CNTNAP5: variants seen among roughly 807,000 people sequenced by gnomAD.
CNTNAP5 encodes the protein contactin-associated protein-like 5.
CNTNAP5 carries 72 observed loss-of-function variants against 150.2 expected under a neutral mutation model. That is an observed-to-expected ratio of 0.48 (90% confidence interval 0.40 to 0.58). CNTNAP5 has a LOEUF of 0.58. Ranked by LOEUF, CNTNAP5 falls within the 20% of genes least tolerant of loss-of-function variation. The pLI, the probability that CNTNAP5 is intolerant of heterozygous loss-of-function variation, is 0.00. For synonymous variants in CNTNAP5, 672 were observed against 619.8 expected, an observed-to-expected ratio of 1.08 and a Z score of -1.25; for missense variants, 1,636 against 1,626.2, an observed-to-expected ratio of 1.01 and a Z score of -0.10.
chr2:124,788,002 C>G (rs1407317771), intron 17 of CNTNAP5, among the ~76,000 whole-genome samples: 1 of 152,154 alleles, frequency 6.6e-6, no homozygotes, highest in Non-Finnish European at 1.5e-5. Context: ...CCACCTTTTC[C>G]TCCTCTCCAT....
chr2:124,164,470 A>G (rs926371346), intron 1 of CNTNAP5, among the ~76,000 whole-genome samples: 1 of 152,224 alleles, frequency 6.6e-6, no homozygotes, highest in Non-Finnish European at 1.5e-5. Flanking sequence ...TCTGTTTTAT[A>G]TGTATATATA....
intron 1 of CNTNAP5, among the ~76,000 whole-genome samples, chr2:124,214,205 G>T (rs980342588): frequency 3.3e-5 from 5 of 152,266 alleles, no homozygotes; most frequent in Admixed American, 3.3e-4. Context: ...CTGCTACCTT[G>T]TTATGCTTAT....
At chr2:124,560,208 A>C (rs940850614) in intron 10 of CNTNAP5, among the ~76,000 whole-genome samples, 6 of 152,154 alleles carry the variant, frequency 3.9e-5, no homozygotes, top group African/African-American at 1.4e-4. Context: ...CTTTTGTTTT[A>C]AAAACATTTA....
chr2:124,443,705 T>A (rs35416918), intron 5 of CNTNAP5, among the ~76,000 whole-genome samples: 30,566 of 151,810 alleles, frequency 0.2, 3,320 homozygotes, highest in East Asian at 0.33. Context: ...AAATATTTTA[T>A]TTTAATCATT....
At chr2:124,274,119 A>G (rs1687825938) in intron 3 of CNTNAP5, among the ~76,000 whole-genome samples, 2 of 152,236 alleles carry the variant, frequency 1.3e-5, no homozygotes, top group African/African-American at 4.8e-5. Context: ...CAAAATTATC[A>G]GTTAGCTTGC....
In CNTNAP5 at chr2:124,419,140, C is replaced by CATAAAAAAAAAAAAAA. The variant is rs1553466516; in HGVS notation, c.529+1551_529+1552insTAAAAAAAAAAAAAAA. On this transcript the variant is annotated intron_variant, in intron 4 of 23. Coordinates refer to ENST00000682447, the MANE Select transcript of CNTNAP5 (RefSeq NM_001367498.1). ...TGGGCGACAGAGCGAGACTCCTTCT[C>CATAAAAAAAAAAAAAA]AAAAAAAAAAAAAAAAAAAAAAACA... Among the ~76,000 whole-genome samples the CATAAAAAAAAAAAAAA allele has an allele frequency of 2.1e-4, 6 of 28,908 alleles. 1 individual carries two copies. Among genetic ancestry groups the CATAAAAAAAAAAAAAA allele is most frequent in the Non-Finnish European group, 4.0e-4 (6 of 15,132 alleles). The allele number at this position is 28,908 out of a possible 152,430, so 19.0% of individuals were successfully genotyped here. A position where few individuals can be genotyped will look rare whatever the true frequency, so the allele number is the denominator to read the frequency against.
chr2:124,481,383 T>C (rs535779495), intron 7 of CNTNAP5, among the ~76,000 whole-genome samples: 2 of 152,328 alleles, frequency 1.3e-5, no homozygotes, highest in African/African-American at 4.8e-5. Flanking sequence ...TTACCTGAAA[T>C]TAGTGTTATG....
At chr2:124,451,051 A>ATATAT (rs1553469334) in intron 6 of CNTNAP5, among the ~76,000 whole-genome samples, 1 of 65,298 alleles carries the variant, frequency 1.5e-5, no homozygotes, top group African/African-American at 7.2e-5. Context: ...AAAAAAAAAA[A>ATATAT]ATATATATAT....
chr2:124,421,947 G>T (rs1469673535), intron 4 of CNTNAP5, among the ~76,000 whole-genome samples: 2 of 152,126 alleles, frequency 1.3e-5, no homozygotes, highest in Non-Finnish European at 2.9e-5. Context: ...CCACAACCCA[G>T]AATCTCACTG....
intron 13 of CNTNAP5, among the ~76,000 whole-genome samples, chr2:124,731,463 A>G (rs1341066417): frequency 6.6e-6 from 1 of 151,904 alleles, no homozygotes; most frequent in Non-Finnish European, 1.5e-5. Context: ...TAAGGCGTTT[A>G]AAAAGGTTGC....
intron 3 of CNTNAP5, among the ~76,000 whole-genome samples, chr2:124,375,795 A>C (rs1326047430): frequency 6.6e-6 from 1 of 152,098 alleles, no homozygotes; most frequent in East Asian, 1.9e-4. Context: ...AAAAAAAGTT[A>C]AAAAACTACA....
chr2:124,207,766 T>G (rs139773161), intron 1 of CNTNAP5, among the ~76,000 whole-genome samples: 1 of 152,344 alleles, frequency 6.6e-6, no homozygotes, highest in East Asian at 1.9e-4. Context: ...TGTATTTTCC[T>G]GCTATTTTTA....
At chr2:124,131,282 C>T (rs949372971) in intron 1 of CNTNAP5, among the ~76,000 whole-genome samples, 5 of 152,082 alleles carry the variant, frequency 3.3e-5, no homozygotes, top group Non-Finnish European at 7.4e-5. Context: ...GAAACCATGC[C>T]CTCGTTAAGA....
At position 124,221,677 on chromosome 2, in the gene CNTNAP5, C is replaced by T. The variant is rs1384312455; in HGVS notation, c.83-28C>T. 4 of 1,389,062 alleles carry T rather than the reference C, an allele frequency of 2.9e-6. No individual in the cohort carries two copies. The South Asian group carries it at 3.6e-5, about 12-fold the overall frequency. 86.0% of individuals were successfully genotyped at this position (1,389,062 alleles called of 1,614,324 possible). On this transcript the variant is annotated intron_variant, in intron 1 of 23. Transcript: ENST00000682447. ...GTTTCTTGCTAATAGAATCTGGTCTCTCTCCCTCTGTCCTCCTATCATTAT... is the reference window on the plus strand; with the variant it reads ...GTTTCTTGCTAATAGAATCTGGTCTTTCTCCCTCTGTCCTCCTATCATTAT...
intron 3 of CNTNAP5, among the ~76,000 whole-genome samples, chr2:124,287,040 C>A (rs982715173): frequency 6.6e-6 from 1 of 152,154 alleles, no homozygotes; most frequent in African/African-American, 2.4e-5. Context: ...TGCTTCATGT[C>A]CATCACACAT....
intron 10 of CNTNAP5, among the ~76,000 whole-genome samples, chr2:124,556,884 A>G (rs1695768232): frequency 6.6e-6 from 1 of 152,092 alleles, no homozygotes; most frequent in Admixed American, 6.6e-5. Flanking sequence ...GGTTAAAGGT[A>G]ACAAGGATCA....
chr2:124,848,980 C>CT (rs1359447349), intron 19 of CNTNAP5, among the ~76,000 whole-genome samples: 1 of 152,022 alleles, frequency 6.6e-6, no homozygotes, highest in Non-Finnish European at 1.5e-5. Flanking sequence ...TGTGCAGAAA[C>CT]TTCTTAGTGT....
At chr2:124,543,088 C>A (rs1695427198) in intron 10 of CNTNAP5, among the ~76,000 whole-genome samples, 1 of 152,180 alleles carries the variant, frequency 6.6e-6, no homozygotes, top group Admixed American at 6.5e-5. Flanking sequence ...ATTTGAATAG[C>A]AAGAGTGCCT....
chr2:124,249,373 C>T (rs1253783800), intron 3 of CNTNAP5, among the ~76,000 whole-genome samples: 2 of 152,174 alleles, frequency 1.3e-5, no homozygotes, highest in African/African-American at 2.4e-5. Flanking sequence ...AAGAGCCAGG[C>T]ACCCTTTTAA....
Sources: gnomAD v4.1 joint callset for allele counts (sites outside exome capture counted in the v4.1 genomes callset) on GRCh38, gnomAD v4.1.1 for gene constraint, MANE v1.5 for transcripts, NCBI Gene and HGNC (gene_info 2026-07-23, HGNC 2026-07-21) for gene names.